The following PREX1 variants were observed in gnomAD, a reference collection of about 807,000 sequenced individuals.
PREX1 encodes the protein phosphatidylinositol-3,4,5-trisphosphate dependent Rac exchange factor 1.
A neutral mutation model predicts 198.3 loss-of-function variants in PREX1; 41 were observed. That is an observed-to-expected ratio of 0.21 (90% CI 0.16 to 0.27). The LOEUF (loss-of-function observed/expected upper bound fraction) is 0.27. Among genes scored for constraint, PREX1 ranks in the 10% least tolerant of loss-of-function variants. The pLI is 1.00. For missense variants in PREX1, 1,620 were observed against 2,200.7 expected, an observed-to-expected ratio of 0.74 and a Z score of 5.28; for synonymous variants, 843 against 887.2, an observed-to-expected ratio of 0.95 and a Z score of 0.89.
At chr20:48,711,571 C>T (rs2089930969) in intron 5 of PREX1, among the ~76,000 whole-genome samples, 1 of 152,136 alleles carries the variant, frequency 6.6e-6, no homozygotes, top group Non-Finnish European at 1.5e-5. Flanking sequence ...GGACTGAGTC[C>T]AACCCATCAC....
Position 48,630,670 on chromosome 20 carries a change from A to C in PREX1, c.4593+58T>G, listed in dbSNP as rs554413217. 6 of 1,459,710 alleles carry C rather than the reference A, an allele frequency of 4.1e-6. No homozygotes were observed. The South Asian group carries it at 5.8e-5, about 14-fold the overall frequency. 90.4% of individuals were successfully genotyped at this position (1,459,710 alleles called of 1,614,324 possible). A position where few individuals can be genotyped will look rare whatever the true frequency, so the allele number is the denominator to read the frequency against. On this transcript the variant is annotated intron_variant, in intron 36 of 39. Transcript: ENST00000371941. ...CCCTGGGCCTGTCTGCTGAGTCCTG[A>C]CTCCTGAGCGCCCCACCCTGCCCAA...
intron 1 of PREX1, among the ~76,000 whole-genome samples, chr20:48,816,437 C>T (rs1439548441): frequency 6.6e-6 from 1 of 152,128 alleles, no homozygotes; most frequent in Non-Finnish European, 1.5e-5. Flanking sequence ...AGGGATTTTG[C>T]AGATATAATC....
chr20:48,702,308 C>G (rs2123071392), intron 6 of PREX1, among the ~76,000 whole-genome samples: 1 of 152,024 alleles, frequency 6.6e-6, no homozygotes, highest in East Asian at 1.9e-4. Context: ...CTCCCTGAAA[C>G]CAAGAGGACC....
At chr20:48,656,700 C>T (rs1220047254) in intron 18 of PREX1, among the ~76,000 whole-genome samples, 2 of 152,134 alleles carry the variant, frequency 1.3e-5, no homozygotes, top group Non-Finnish European at 2.9e-5. Flanking sequence ...TTTATAGAAA[C>T]TTATCTGTGC....
At chr20:48,862,666 C>G in the PREX1 span, among the ~76,000 whole-genome samples, 1 of 150,178 alleles carries the variant, frequency 6.7e-6, no homozygotes, top group African/African-American at 2.5e-5. Context: ...TACTAAAAAT[C>G]AAAGCACACA....
intron 5 of PREX1, among the ~76,000 whole-genome samples, chr20:48,710,462 T>C (rs2089925245): frequency 6.6e-6 from 1 of 152,126 alleles, no homozygotes; most frequent in African/African-American, 2.4e-5. Flanking sequence ...GCTCATTTGA[T>C]CCTCATGTCA....
intron 25 of PREX1, among the ~76,000 whole-genome samples, chr20:48,648,815 T>G (rs2089470023): frequency 6.6e-6 from 1 of 152,202 alleles, no homozygotes; most frequent in Non-Finnish European, 1.5e-5. Context: ...ATCCTAGAGC[T>G]GAGTAAGGAG....
intron 37 of PREX1, 115 bp from the exon 38 acceptor site, chr20:48,628,078 G>A: frequency 3.9e-6 from 3 of 764,228 alleles, no homozygotes; most frequent in South Asian, 1.7e-5. Context: ...GTCCCTCCGA[G>A]GCCTCCCAGA....
chr20:48,772,446 C>T (rs547842259), intron 1 of PREX1, among the ~76,000 whole-genome samples: 1 of 152,306 alleles, frequency 6.6e-6, no homozygotes, highest in South Asian at 2.1e-4. Flanking sequence ...GCCATACCTG[C>T]AGAAGAGATG....
chr20:48,645,925 C>A lies in PREX1; in HGVS notation c.3438G>T (p.Lys1146Asn). ...MDRSDHGGIK[K>N]VCFKVAEEDQ... ...CCTCCTCGGCCACCTTGAAGCACAC[C>A]TTCTTGATGCCCCCATGGTCACTCC... The change falls in exon 26 of 40, where the codon AAG becomes AAT. Residue 1146 changes from lysine to asparagine, a missense_variant. This residue lies in a region of PREX1 where 514 missense variants were observed against 611.6 expected (regional missense o/e 0.84). Transcript: ENST00000371941. 1 of 1,614,212 alleles carries A rather than the reference C, an allele frequency of 6.2e-7. No individual in the cohort carries two copies.
intron 1 of PREX1, among the ~76,000 whole-genome samples, chr20:48,818,499 T>A (rs2090468304): frequency 6.6e-6 from 1 of 152,228 alleles, no homozygotes; most frequent in Admixed American, 6.5e-5. Context: ...TCCCTCTGAC[T>A]GCGTAAGGAG....
intron 8 of PREX1, 104 bp downstream of exon 8, chr20:48,692,567 AC>A: frequency 1.1e-6 from 1 of 909,644 alleles, no homozygotes; most frequent in Middle Eastern, 2.6e-4. Flanking sequence ...TAGGTAGATT[AC>A]ATCTCATGAT....
chr20:48,805,339 G>A (rs1374893278), intron 1 of PREX1, among the ~76,000 whole-genome samples: 1 of 152,204 alleles, frequency 6.6e-6, no homozygotes, highest in Non-Finnish European at 1.5e-5. Flanking sequence ...AAGGACAGGC[G>A]GGTGCAAGGT....
intron 1 of PREX1, among the ~76,000 whole-genome samples, chr20:48,749,180 G>C (rs6066839): frequency 0.41 from 62,193 of 151,976 alleles, 13,108 homozygotes; most frequent in Admixed American, 0.46. Context: ...CTGGTTTGCC[G>C]GAACTCCAGG....
intron 1 of PREX1, among the ~76,000 whole-genome samples, chr20:48,785,405 G>A (rs1051200851): frequency 3.9e-5 from 6 of 152,226 alleles, no homozygotes; most frequent in African/African-American, 1.4e-4. Flanking sequence ...ACTCATCGAA[G>A]CTGCAAAGAT....
At chr20:48,651,372 G>A in intron 22 of PREX1, 24 bp downstream of exon 22, 7 of 1,579,966 alleles carry the variant, frequency 4.4e-6, no homozygotes, top group African/African-American at 1.3e-5. Context: ...GGGTAGGGCA[G>A]GGCCAGGCAG....
intron 1 of PREX1, among the ~76,000 whole-genome samples, chr20:48,754,794 G>C (rs912483810): frequency 3.9e-5 from 6 of 152,038 alleles, no homozygotes; most frequent in African/African-American, 1.5e-4. Context: ...GTGGCGGGGA[G>C]TCGGAAGCAC....
intron 1 of PREX1, among the ~76,000 whole-genome samples, chr20:48,755,113 TG>T (rs1316884704): frequency 6.6e-6 from 1 of 152,210 alleles, no homozygotes; most frequent in Non-Finnish European, 1.5e-5. Context: ...CAACAAGGAA[TG>T]ATCATGCTAA....
chr20:48,681,647 G>A (rs2089751520), intron 10 of PREX1, among the ~76,000 whole-genome samples: 1 of 150,598 alleles, frequency 6.6e-6, no homozygotes, highest in East Asian at 1.9e-4. Flanking sequence ...AAGGAAGCTG[G>A]GCAGGCAGGT....
Sources: allele counts gnomAD v4.1 joint callset (sites outside exome capture counted in the v4.1 genomes callset), GRCh38; gene constraint gnomAD v4.1.1; regional missense constraint gnomAD v4.1.1; transcripts MANE v1.5; gene names NCBI Gene and HGNC (gene_info 2026-07-23, HGNC 2026-07-21).